Variants in RBFOX1 observed in about 807,000 individuals in gnomAD.
RBFOX1 encodes the protein RNA binding protein fox-1 homolog 1.
In RBFOX1, 8 loss-of-function variants were observed where a neutral mutation model predicts 57.7. The ratio of observed to expected loss-of-function variants is 0.14; its 90% CI spans 0.08 to 0.25. The LOEUF is 0.25. RBFOX1 is among the 10% of genes least tolerant of loss of function. The probability of loss-of-function intolerance (pLI) is 1.00; values close to 1 mark genes in which losing one functional copy is unlikely to be tolerated. For synonymous variants in RBFOX1, 326 were observed against 222.4 expected (o/e 1.47, Z -4.15); for missense variants, 611 against 548.5 (o/e 1.11, Z -1.14).
At chr16:7,379,780 TCCTGCCTGCCTGCCTCCCTG>T (rs1464059506) in intron 4 of RBFOX1, among the ~76,000 whole-genome samples, 3 of 150,618 alleles carry the variant, frequency 2.0e-5, no homozygotes, top group Non-Finnish European at 4.5e-5. Context: ...CTGCCTTCCG[TCCTGCCTGCCTGCCTCCCTG>T]CCTGCCTGCC....
At chr16:7,044,565 G>A (rs142800255) in intron 3 of RBFOX1, among the ~76,000 whole-genome samples, 1 of 152,286 alleles carries the variant, frequency 6.6e-6, no homozygotes, top group East Asian at 1.9e-4. Context: ...CCTTTCATAA[G>A]TGCTTACTTG....
chr16:5,928,178 T>G (rs928404787), intron 4 of RBFOX1, among the ~76,000 whole-genome samples: 4 of 152,116 alleles, frequency 2.6e-5, no homozygotes, highest in African/African-American at 4.8e-5. Context: ...ACTGTAGCCT[T>G]GATCTCCTGG....
chr16:5,288,682 A>G (rs2063459156), intron 1 of RBFOX1, among the ~76,000 whole-genome samples: 1 of 146,264 alleles, frequency 6.8e-6, no homozygotes, highest in Non-Finnish European at 1.5e-5. Flanking sequence ...ACATTTCCCA[A>G]TACAAATGAA....
chr16:7,402,011 A>G (rs188712831), intron 4 of RBFOX1, among the ~76,000 whole-genome samples: 3 of 152,312 alleles, frequency 2.0e-5, no homozygotes, highest in East Asian at 1.9e-4. Context: ...CCCTTTAAAA[A>G]GTTATTTTTA....
At chr16:6,062,997 G>C (rs35735593) in intron 1 of RBFOX1, among the ~76,000 whole-genome samples, 71,426 of 151,934 alleles carry the variant, frequency 0.47, 16,918 homozygotes, top group Admixed American at 0.49. Context: ...AATGGATTCA[G>C]TGAAGCCCAC....
At chr16:6,547,883 T>C (rs993714079) in intron 2 of RBFOX1, among the ~76,000 whole-genome samples, 1 of 152,170 alleles carries the variant, frequency 6.6e-6, no homozygotes, top group African/African-American at 2.4e-5. Flanking sequence ...TCACAGTGTT[T>C]CTCACGGTTA....
At chr16:5,760,419 C>T (rs1301979647) in intron 3 of RBFOX1, among the ~76,000 whole-genome samples, 1 of 152,050 alleles carries the variant, frequency 6.6e-6, no homozygotes, top group East Asian at 1.9e-4. Flanking sequence ...TATATACCCC[C>T]AAAGAATTGT....
At chr16:5,869,986 G>A (rs1017341191) in intron 4 of RBFOX1, among the ~76,000 whole-genome samples, 2 of 151,940 alleles carry the variant, frequency 1.3e-5, no homozygotes, top group East Asian at 1.9e-4. Flanking sequence ...ATACAATACA[G>A]CAATCAAAAA....
Position 6,127,644 on chromosome 16 carries a change from G to A in RBFOX1, c.-127+107652G>A, listed in dbSNP as rs545223527. 1.8e-4 allele frequency among the ~76,000 whole-genome samples: 28 copies of A among 152,212 alleles called. No homozygotes were observed. In the South Asian group the frequency reaches 5.0e-3, roughly 27 times the overall value. On this transcript the variant is annotated intron_variant, in intron 1 of 15. Coordinates refer to ENST00000550418, the MANE Select transcript of RBFOX1 (RefSeq NM_018723.4). ...TCCAGTCAATTTTAAACCACCCTGC[G>A]TCCCAGCAAGGACAGTTTATGGCTT...
At chr16:7,445,646 T>C (rs533480982) in intron 4 of RBFOX1, among the ~76,000 whole-genome samples, 1 of 152,308 alleles carries the variant, frequency 6.6e-6, no homozygotes, top group South Asian at 2.1e-4. Flanking sequence ...TCTGGTCTCT[T>C]AGAAATTCAA....
chr16:6,565,744 A>C, intron 2 of RBFOX1, among the ~76,000 whole-genome samples: 1 of 152,354 alleles, frequency 6.6e-6, no homozygotes, highest in Non-Finnish European at 1.5e-5. Flanking sequence ...CTGGGATTAC[A>C]GGTGTGAGTC....
chr16:6,186,626 A>C (rs916831331), intron 1 of RBFOX1, among the ~76,000 whole-genome samples: 1 of 152,112 alleles, frequency 6.6e-6, no homozygotes, highest in African/African-American at 2.4e-5. Flanking sequence ...GGACCATGCC[A>C]TAGGCTGTAT....
intron 2 of RBFOX1, among the ~76,000 whole-genome samples, chr16:5,551,084 C>CG (rs1188737233): frequency 1.3e-5 from 2 of 152,170 alleles, no homozygotes; most frequent in Non-Finnish European, 2.9e-5. Context: ...ATGGTTCTTA[C>CG]TTGCTGGGAG....
At chr16:6,616,834 A>G (rs1361264386) in intron 2 of RBFOX1, among the ~76,000 whole-genome samples, 1 of 152,246 alleles carries the variant, frequency 6.6e-6, no homozygotes, top group Non-Finnish European at 1.5e-5. Context: ...ACATCACGGA[A>G]TGGCAAACTA....
intron 3 of RBFOX1, among the ~76,000 whole-genome samples, chr16:6,772,547 ATG>A (rs2078489322): frequency 7.0e-6 from 1 of 142,534 alleles, no homozygotes; most frequent in African/African-American, 2.7e-5. Flanking sequence ...TTGTGAGTGT[ATG>A]TGTATGTGTG....
intron 2 of RBFOX1, among the ~76,000 whole-genome samples, chr16:5,530,272 A>G (rs11647322): frequency 0.7 from 106,528 of 152,026 alleles, 37,908 homozygotes; most frequent in East Asian, 0.88. Flanking sequence ...ACTATCTCCT[A>G]CTTCTTAACT....
intron 4 of RBFOX1, among the ~76,000 whole-genome samples, chr16:7,359,633 C>T (rs900953589): frequency 1.3e-5 from 2 of 152,164 alleles, no homozygotes; most frequent in African/African-American, 4.8e-5. Context: ...CAATGGCTTG[C>T]TGTCTACAGC....
intron 2 of RBFOX1, among the ~76,000 whole-genome samples, chr16:6,547,982 A>G (rs1187800472): frequency 6.6e-6 from 1 of 152,210 alleles, no homozygotes; most frequent in Non-Finnish European, 1.5e-5. Context: ...ATGGATGTAC[A>G]CTGAAAGTCC....
chr16:6,602,517 C>A (rs1017618497), intron 2 of RBFOX1, among the ~76,000 whole-genome samples: 1 of 152,106 alleles, frequency 6.6e-6, no homozygotes, highest in Non-Finnish European at 1.5e-5. Flanking sequence ...CAGCTGACCT[C>A]CAAGAGGTCT....
Sources: allele counts gnomAD v4.1 joint callset (sites outside exome capture counted in the v4.1 genomes callset), GRCh38; gene constraint gnomAD v4.1.1; transcripts MANE v1.5; gene names NCBI Gene and HGNC (gene_info 2026-07-23, HGNC 2026-07-21).